Variants in CDON observed in about 807,000 individuals in gnomAD.
CDON encodes cell adhesion associated, oncogene regulated, also known as cell adhesion molecule-related/down-regulated by oncogenes.
Under a neutral mutation model 120.9 loss-of-function variants are expected in CDON, and 73 were observed. The ratio of observed to expected loss-of-function variants is 0.60; its 90% CI spans 0.50 to 0.73. CDON has a LOEUF of 0.73. CDON is among the 30% of genes least tolerant of loss of function. The pLI, the probability that CDON is intolerant of heterozygous loss-of-function variation, is 0.00. For missense variants in CDON, 1,470 were observed against 1,587.3 expected, an observed-to-expected ratio of 0.93 and a Z score of 1.26; for synonymous variants, 566 against 573.5, an observed-to-expected ratio of 0.99 and a Z score of 0.19.
In CDON at chr11:126,006,536, C is replaced by T. The variant is rs532217535; in HGVS notation, c.1553-479G>A. Among the ~76,000 whole-genome samples, 7 of 152,092 alleles carry T rather than the reference C, an allele frequency of 4.6e-5. No homozygotes were observed. In the South Asian group the frequency reaches 8.3e-4, roughly 18 times the overall value. On this transcript the variant is annotated intron_variant, in intron 8 of 19. Transcript: ENST00000531738. ...CACCAAAATTACCCAGGCGTGGTGG[C>T]GCATACCTGTAGTCCCAGCTACTTG...
At chr11:125,984,121 T>C in intron 15 of CDON, 28 bp from the exon 16 acceptor site, 1 of 1,466,042 alleles carries the variant, frequency 6.8e-7, no homozygotes, top group Non-Finnish European at 9.6e-7. Flanking sequence ...GAAAACATGA[T>C]GTCAGAGTGA....
chr11:125,968,497 G>GT (rs1373047454), intron 18 of CDON, among the ~76,000 whole-genome samples: 2 of 152,198 alleles, frequency 1.3e-5, no homozygotes, highest in Non-Finnish European at 2.9e-5. Flanking sequence ...GTCGACACAG[G>GT]TTTTATGGGG....
At chr11:126,027,497 CAT>C (rs1947823128) in intron 1 of CDON, among the ~76,000 whole-genome samples, 1 of 152,098 alleles carries the variant, frequency 6.6e-6, no homozygotes, top group Non-Finnish European at 1.5e-5. Flanking sequence ...ATAATTTATT[CAT>C]ATGTGTGTGT....
At chr11:125,973,855 G>A (rs1227409799) in intron 18 of CDON, among the ~76,000 whole-genome samples, 4 of 152,004 alleles carry the variant, frequency 2.6e-5, no homozygotes, top group Non-Finnish European at 5.9e-5. Context: ...TTCCTTTAAA[G>A]CATCCAGATT....
chr11:125,968,473 G>A (rs1323514823), intron 18 of CDON, among the ~76,000 whole-genome samples: 1 of 152,204 alleles, frequency 6.6e-6, no homozygotes, highest in African/African-American at 2.4e-5. Flanking sequence ...AACCACAAGT[G>A]TGGTTATCAG....
In CDON at chr11:126,021,336, G is replaced by A. The variant is rs758417303; in HGVS notation, c.261C>T (p.Leu87=). ...GGTAGTAACCCAAAAGAGAGGAGTT[G>A]AGAGAAAGAATTGTCAGAGTCCCCT... ...IHQGTLTILS[L]NSSLLGYYQC... is the part of the protein sequence containing the mutation. Residue 87 remains leucine, a synonymous_variant, in exon 3 of 20, where the codon CTC becomes CTT. Transcript: ENST00000531738. 9.3e-6 allele frequency: 15 copies of A among 1,614,104 alleles called. 2 individuals carry two copies. In the South Asian group the frequency reaches 1.4e-4, roughly 15 times the overall value.
intron 1 of CDON, among the ~76,000 whole-genome samples, chr11:126,030,689 C>G (rs1947920168): frequency 6.6e-6 from 1 of 152,038 alleles, no homozygotes; most frequent in Non-Finnish European, 1.5e-5. Context: ...CAAAGAAAAA[C>G]TAAAACATGT....
chr11:126,038,100 A>C (rs901611354), intron 1 of CDON, among the ~76,000 whole-genome samples: 1 of 152,182 alleles, frequency 6.6e-6, no homozygotes, highest in Non-Finnish European at 1.5e-5. Context: ...AAAAAATCAA[A>C]AAGCTAAGTT....
intron 9 of CDON, 179 bp downstream of exon 9, chr11:126,005,580 C>G: frequency 3.1e-6 from 2 of 638,892 alleles, no homozygotes; most frequent in Non-Finnish European, 5.5e-6. Flanking sequence ...ATACTTCATT[C>G]TCAGTGCTTT....
intron 1 of CDON, among the ~76,000 whole-genome samples, chr11:126,032,820 C>A (rs1049829670): frequency 2.6e-5 from 4 of 152,134 alleles, no homozygotes; most frequent in Non-Finnish European, 5.9e-5. Context: ...CCAGCCTGGG[C>A]AACATAGGGA....
At chr11:126,011,657 T>C (rs951052476) in intron 7 of CDON, among the ~76,000 whole-genome samples, 4 of 152,240 alleles carry the variant, frequency 2.6e-5, no homozygotes, top group African/African-American at 9.6e-5. Flanking sequence ...TAGTATCTCC[T>C]TCCTAATGTA....
intron 1 of CDON, among the ~76,000 whole-genome samples, chr11:126,054,680 C>G (rs1025501816): frequency 1.1e-4 from 16 of 152,152 alleles, no homozygotes; most frequent in Admixed American, 4.6e-4. Flanking sequence ...GGCCCCACCC[C>G]AGACCTACTG....
intron 1 of CDON, among the ~76,000 whole-genome samples, chr11:126,029,741 T>G (rs1947897146): frequency 6.6e-6 from 1 of 152,166 alleles, no homozygotes; most frequent in Admixed American, 6.5e-5. Flanking sequence ...CCCATCTTCA[T>G]ATAAAGCTAG....
chr11:125,995,865 G>A (rs1368931961), intron 12 of CDON, among the ~76,000 whole-genome samples: 1 of 152,052 alleles, frequency 6.6e-6, no homozygotes, highest in Non-Finnish European at 1.5e-5. Context: ...TGCTACTAAC[G>A]TACATTTAAA....
intron 1 of CDON, among the ~76,000 whole-genome samples, chr11:126,056,906 T>C (rs1469743508): frequency 6.6e-6 from 1 of 152,212 alleles, no homozygotes; most frequent in African/African-American, 2.4e-5. Context: ...ACTGTTTCAT[T>C]TTAAACTCAA....
At position 126,005,777 on chromosome 11, in the gene CDON, G is replaced by T. The variant is rs983004629; in HGVS notation, c.1833C>A (p.Tyr611Ter). ...GKDGGLPINA[Y>*]FVKYRKLDDG... ...ACATTACCTTTCGATACTTCACAAA[G>T]TAAGCATTGATGGGCAGCCCACCAT... Residue 611 changes from tyrosine (Y) to a stop codon, truncating the protein, a stop_gained, in exon 9 of 20, where the codon TAC becomes TAA. Coordinates refer to ENST00000531738, the MANE Select transcript of CDON (RefSeq NM_001378964.1). LOFTEE classifies it high-confidence loss of function. The T allele has an allele frequency of 1.2e-6, 2 of 1,613,764 alleles. No homozygotes were observed. The highest frequency in any genetic ancestry group is 1.7e-6 in the Non-Finnish European group (2 of 1,179,996).
chr11:125,994,451 A>G lies in CDON; in HGVS notation c.2545-62T>C, dbSNP rs1591364637. ...ATTAATGTAACCTTCTCATTCATTAAGGTTTCTTTATCTACTTGGTCACAT... is the reference window on the plus strand; with the variant it reads ...ATTAATGTAACCTTCTCATTCATTAGGGTTTCTTTATCTACTTGGTCACAT... On this transcript the variant is annotated intron_variant, in intron 13 of 19. Transcript: ENST00000531738. 1.1e-5 allele frequency: 10 copies of G among 914,436 alleles called. No homozygotes were observed. In the East Asian group the frequency reaches 2.5e-4, roughly 22 times the overall value. 56.6% of individuals were successfully genotyped at this position (914,436 alleles called of 1,614,324 possible).
chr11:125,982,748 T>C (rs1946349351), intron 16 of CDON, among the ~76,000 whole-genome samples: 1 of 152,242 alleles, frequency 6.6e-6, no homozygotes, highest in Admixed American at 6.5e-5. Flanking sequence ...TTAATATGGC[T>C]GGGACGACCA....
chr11:126,007,077 G>A (rs1947149533), intron 8 of CDON, among the ~76,000 whole-genome samples: 1 of 152,114 alleles, frequency 6.6e-6, no homozygotes, highest in African/African-American at 2.4e-5. Flanking sequence ...AAGGAGTGAC[G>A]GCTTGGTTTC....
Sources: gnomAD v4.1 joint callset for allele counts (sites outside exome capture counted in the v4.1 genomes callset) on GRCh38, gnomAD v4.1.1 for gene constraint, MANE v1.5 for transcripts, NCBI Gene and HGNC (gene_info 2026-07-23, HGNC 2026-07-21) for gene names.